The following PDIA6 variants were observed in gnomAD, a reference collection of about 807,000 sequenced individuals.
PDIA6 encodes the protein protein disulfide isomerase family A member 6.
PDIA6 carries 29 observed loss-of-function variants against 58.4 expected under a neutral mutation model. That is an observed-to-expected ratio of 0.50 (90% CI 0.37 to 0.68). PDIA6 has a LOEUF of 0.68. Among genes scored for constraint, PDIA6 ranks in the 30% least tolerant of loss-of-function variants. The probability of loss-of-function intolerance (pLI) is 0.00; values close to 1 mark genes in which losing one functional copy is unlikely to be tolerated. For synonymous variants in PDIA6, 192 were observed against 202.6 expected (o/e 0.95, Z 0.44); for missense variants, 480 against 551.0 (o/e 0.87, Z 1.29).
intron 11 of PDIA6, 36 bp from the exon 12 acceptor site, chr2:10,785,066 T>C: frequency 7.7e-7 from 1 of 1,301,996 alleles, no homozygotes; most frequent in Admixed American, 2.0e-5. Context: ...CACACACATT[T>C]ACAATGGACT....
At chr2:10,785,585 C>A (rs1403077509) in intron 11 of PDIA6, among the ~76,000 whole-genome samples, 1 of 152,104 alleles carries the variant, frequency 6.6e-6, no homozygotes, top group African/African-American at 2.4e-5. Context: ...AATAATAGAG[C>A]TAGACTAACA....
At chr2:10,830,890 T>C (rs1443524061) in intron 1 of PDIA6, among the ~76,000 whole-genome samples, 2 of 152,144 alleles carry the variant, frequency 1.3e-5, no homozygotes, top group Non-Finnish European at 2.9e-5. Flanking sequence ...TGTGGTCTCC[T>C]TGGGCGCTTG....
intron 2 of PDIA6, 63 bp downstream of exon 2, chr2:10,802,436 A>G: frequency 4.8e-6 from 5 of 1,048,160 alleles, no homozygotes; most frequent in Non-Finnish European, 6.4e-6. Context: ...AGATTTTTAT[A>G]CAGCGTTTTC....
chr2:10,810,628 T>A (rs1417070863), intron 1 of PDIA6, among the ~76,000 whole-genome samples: 2 of 152,102 alleles, frequency 1.3e-5, no homozygotes, highest in Non-Finnish European at 2.9e-5. Flanking sequence ...GAAAATGCTG[T>A]GTTGATTAAG....
intron 2 of PDIA6, among the ~76,000 whole-genome samples, chr2:10,818,772 C>T (rs185646405): frequency 2.0e-4 from 30 of 152,092 alleles, no homozygotes; most frequent in African/African-American, 7.2e-4. Context: ...ATCCACCCAC[C>T]TCAGCCTCCC....
At chr2:10,835,943 C>T (rs898471652), upstream of PDIA6, among the ~76,000 whole-genome samples, 5 of 151,924 alleles carry the variant, frequency 3.3e-5, no homozygotes, top group Admixed American at 2.0e-4. Flanking sequence ...CCCAGCTACT[C>T]GGGAGGCTGA....
Position 10,797,750 on chromosome 2 carries a change from G to A in PDIA6, c.169C>T (p.His57Tyr). 1.2e-6 allele frequency: 2 copies of A among 1,611,352 alleles called. No homozygotes were observed. The highest frequency in any genetic ancestry group is 2.2e-5 in the South Asian group (2 of 90,624). ...LVEFYAPWCG[H>Y]CQRLTPEWKK... ...CATTCTGGTGTTAATCTTTGACAGT[G>A]ACCACACCTTTTGGGGGAAGACAAC... Residue 57 changes from histidine (H) to tyrosine (Y), a missense_variant, in exon 3 of 13, where the codon CAC (histidine) becomes TAC (tyrosine). Transcript: ENST00000272227.
intron 10 of PDIA6, 22 bp downstream of exon 10, chr2:10,788,674 AG>A (rs1665894071): frequency 2.6e-6 from 4 of 1,528,272 alleles, no homozygotes; most frequent in Non-Finnish European, 3.6e-6. Flanking sequence ...GATGACACTC[AG>A]ACAGTAAGCT....
At chr2:10,787,539 T>C (rs1665829434) in intron 10 of PDIA6, 100 bp from the exon 11 acceptor site, 11 of 1,101,486 alleles carry the variant, frequency 1.0e-5, no homozygotes, top group Non-Finnish European at 1.4e-5. Flanking sequence ...TTCAGATATT[T>C]CGTAGAATGA....
chr2:10,790,631 A>ACTAC, intron 7 of PDIA6, 88 bp downstream of exon 7: 1 of 894,772 alleles, frequency 1.1e-6, no homozygotes. Context: ...CATCTCCTTT[A>ACTAC]CTACCTCATA....
intron 1 of PDIA6, among the ~76,000 whole-genome samples, chr2:10,825,704 G>A (rs535645770): frequency 7.9e-5 from 12 of 152,196 alleles, no homozygotes; most frequent in South Asian, 2.1e-4. Context: ...ACATAGAAAC[G>A]GCCAATAAAG....
chr2:10,788,644 A>G (rs1572651263), intron 10 of PDIA6, 53 bp downstream of exon 10: 1 of 1,178,072 alleles, frequency 8.5e-7, no homozygotes, highest in East Asian at 2.3e-5. Context: ...CTCTCAAGAA[A>G]GCCTATAATC....
rs768478600 is a variant in PDIA6, at chr2:10,785,064, T to C, written c.1158-34A>G. 2.4e-5 allele frequency: 33 copies of C among 1,348,382 alleles called. No individual in the cohort carries two copies. In the Admixed American group the frequency reaches 3.3e-4, roughly 14 times the overall value. 83.5% of individuals were successfully genotyped at this position (1,348,382 alleles called of 1,614,324 possible). ...AAAATGACCAAAACACACACACACATTTACAATGGACTGCTGGTGCAGAAG... is the reference window on the plus strand; with the variant it reads ...AAAATGACCAAAACACACACACACACTTACAATGGACTGCTGGTGCAGAAG... On this transcript the variant is annotated intron_variant, in intron 11 of 12. Transcript: ENST00000272227.
In PDIA6 at chr2:10,804,726, T is replaced by G. The variant is rs550638230; in HGVS notation, c.20-2086A>C. Among the ~76,000 whole-genome samples the G allele has an allele frequency of 2.4e-3, 312 of 130,338 alleles. 3 individuals are homozygous for G. Among genetic ancestry groups the G allele is most frequent in the African/African-American group, 7.3e-3 (281 of 38,256 alleles). 85.5% of individuals were successfully genotyped at this position (130,338 alleles called of 152,430 possible). ...CTGTGAAGAAAGTCATTGGTAGCTTTATGGGGATGGCATTGAATCTGTAAA... is the reference window on the plus strand; with the variant it reads ...CTGTGAAGAAAGTCATTGGTAGCTTGATGGGGATGGCATTGAATCTGTAAA... On this transcript the variant is annotated intron_variant, in intron 1 of 12. Transcript: ENST00000272227.
At chr2:10,807,698 T>C (rs1025275842) in intron 1 of PDIA6, among the ~76,000 whole-genome samples, 2 of 152,246 alleles carry the variant, frequency 1.3e-5, no homozygotes, top group Admixed American at 6.5e-5. Flanking sequence ...AGATTTCAAA[T>C]GGACCTTTTT....
At chr2:10,788,149 A>G (rs1734435) in intron 10 of PDIA6, among the ~76,000 whole-genome samples, 37,794 of 151,378 alleles carry the variant, frequency 0.25, 5,322 homozygotes, top group East Asian at 0.39. Flanking sequence ...TCAGAAGAGG[A>G]GAAGGAAACA....
chr2:10,787,237 A>G (rs1665808631), intron 11 of PDIA6, 44 bp downstream of exon 11: 1 of 1,573,838 alleles, frequency 6.4e-7, no homozygotes, highest in African/African-American at 1.3e-5. Flanking sequence ...CAACAGAACC[A>G]AACAAACAGA....
chr2:10,802,704 G>A, intron 1 of PDIA6, 64 bp from the exon 2 acceptor site: 1 of 1,283,566 alleles, frequency 7.8e-7, no homozygotes, highest in East Asian at 2.8e-5. Flanking sequence ...GAAACCCTGG[G>A]GAACCAGAGT....
upstream of PDIA6, among the ~76,000 whole-genome samples, chr2:10,835,302 G>A (rs1667808231): frequency 6.6e-6 from 1 of 152,194 alleles, no homozygotes; most frequent in Non-Finnish European, 1.5e-5. Context: ...AGGGCTGGCA[G>A]GCGGGTGAGG....
Sources: allele counts gnomAD v4.1 joint callset (sites outside exome capture counted in the v4.1 genomes callset), GRCh38; gene constraint gnomAD v4.1.1; transcripts MANE v1.5; gene names NCBI Gene and HGNC (gene_info 2026-07-23, HGNC 2026-07-21).